The following DPP4 variants were observed in gnomAD, a reference collection of about 807,000 sequenced individuals.
The protein encoded by DPP4 is dipeptidyl peptidase 4, also known as ADCP-2.
DPP4 carries 93 observed loss-of-function variants against 122.4 expected under a neutral mutation model. The observed-to-expected ratio is 0.76, with a 90% CI of 0.64 to 0.90. The LOEUF is 0.90. Among genes scored for constraint, DPP4 ranks in the 40% least tolerant of loss-of-function variants. DPP4 has a pLI of 0.00. For synonymous variants in DPP4, 321 were observed against 302.9 expected, an observed-to-expected ratio of 1.06 and a Z score of -0.62; for missense variants, 914 against 907.3, an observed-to-expected ratio of 1.01 and a Z score of -0.09.
At chr2:162,016,728 G>C (rs1224753551) in intron 18 of DPP4, 40 bp downstream of exon 18, 2 of 1,431,406 alleles carry the variant, frequency 1.4e-6, no homozygotes. Flanking sequence ...GTGCATTGGT[G>C]TTTCCATGAA....
intron 23 of DPP4, among the ~76,000 whole-genome samples, chr2:161,998,511 G>C (rs543154131): frequency 2.0e-5 from 3 of 152,240 alleles, no homozygotes; most frequent in African/African-American, 7.2e-5. Context: ...AGCCTCATGG[G>C]CCTGCCTTGC....
At chr2:162,037,642 G>A (rs1187659743) in intron 8 of DPP4, among the ~76,000 whole-genome samples, 3 of 151,994 alleles carry the variant, frequency 2.0e-5, no homozygotes, top group Non-Finnish European at 4.4e-5. Context: ...TTTTATCTTG[G>A]CAAATACAGA....
At position 162,032,709 on chromosome 2, in the gene DPP4, C is replaced by CA. The variant is rs113610682; in HGVS notation, c.887+831dup. Among the ~76,000 whole-genome samples, 564 of 68,096 alleles carry CA rather than the reference C, an allele frequency of 8.3e-3. 2 individuals carry two copies. The highest frequency in any genetic ancestry group is 0.022 in the African/African-American group (450 of 20,280). The allele number at this position is 68,096 out of a possible 152,430, so 44.7% of individuals were successfully genotyped here. A position where few individuals can be genotyped will look rare whatever the true frequency, so the allele number is the denominator to read the frequency against. ...AACAAACAAACAACAACAACAACAACAAAAAAAAAAACAGCAACAAAACCA... is the reference window on the plus strand; with the variant it reads ...AACAAACAAACAACAACAACAACAACAAAAAAAAAAAACAGCAACAAAACCA... On this transcript the variant is annotated intron_variant, in intron 10 of 25. Transcript: ENST00000360534.
In DPP4 at chr2:162,010,421, T is replaced by G. The variant is rs150866091; in HGVS notation, c.1833-1126A>C. Among the ~76,000 whole-genome samples the G allele has an allele frequency of 2.9e-3, 440 of 152,364 alleles. 3 individuals are homozygous for G. Among genetic ancestry groups the G allele is most frequent in the African/African-American group, 0.01 (419 of 41,592 alleles). On this transcript the variant is annotated intron_variant, in intron 20 of 25. Coordinates refer to ENST00000360534, the MANE Select transcript of DPP4 (RefSeq NM_001935.4). Reference sequence around the variant, plus strand: ...AAATTGCATCTTGCAGGATGTACACTTTTGTGTCCAGCTTCTTTCATTCAA... The same window carrying G: ...AAATTGCATCTTGCAGGATGTACACGTTTGTGTCCAGCTTCTTTCATTCAA...
intron 20 of DPP4, among the ~76,000 whole-genome samples, chr2:162,011,566 A>G (rs952994493): frequency 4.6e-5 from 7 of 152,130 alleles, no homozygotes; most frequent in Non-Finnish European, 7.4e-5. Flanking sequence ...AGAGTCTCAT[A>G]CAGAGAGGAA....
chr2:162,020,309 T>A lies in DPP4; in HGVS notation c.1177-13A>T, dbSNP rs778228782. The A allele has an allele frequency of 4.5e-6, 7 of 1,541,544 alleles. No individual in the cohort carries two copies. Among genetic ancestry groups the A allele is most frequent in the Admixed American group, 2.1e-5 (1 of 47,358 alleles). On this transcript the variant is annotated splice_polypyrimidine_tract_variant and intron_variant, in intron 13 of 25. Coordinates refer to ENST00000360534, the MANE Select transcript of DPP4 (RefSeq NM_001935.4). ...TAAATGTGCAGTCCTGATGGTTTTT[T>A]TTTTTTTTCAAAAAAAAAAAAAAGA...
At chr2:161,995,714 T>C (rs1012879642) in intron 23 of DPP4, among the ~76,000 whole-genome samples, 1 of 152,228 alleles carries the variant, frequency 6.6e-6, no homozygotes, top group Non-Finnish European at 1.5e-5. Flanking sequence ...TAGTAATGTA[T>C]GTTCCATGGG....
intron 12 of DPP4, among the ~76,000 whole-genome samples, chr2:162,021,944 G>A (rs921788623): frequency 6.6e-6 from 1 of 152,234 alleles, no homozygotes; most frequent in East Asian, 1.9e-4. Context: ...CAGCTAGAAG[G>A]GGTTGTCTTC....
chr2:161,993,435 A>T, intron 25 of DPP4, 51 bp from the exon 26 acceptor site: 1 of 563,896 alleles, frequency 1.8e-6, no homozygotes. Context: ...TACTCTTCTT[A>T]AAAAAAAAAA....
At chr2:162,047,274 A>T (rs1480263890) in intron 3 of DPP4, 129 bp downstream of exon 3, 3 of 466,256 alleles carry the variant, frequency 6.4e-6, no homozygotes, top group Non-Finnish European at 1.0e-5. Flanking sequence ...GTAGAAAAAG[A>T]AAAAAAAAAC....
Position 162,005,829 on chromosome 2 carries a change from A to T in DPP4, c.1988-20T>A, listed in dbSNP as rs200478813. 39 of 1,587,864 alleles carry T rather than the reference A, an allele frequency of 2.5e-5. 1 individual carries two copies. The Middle Eastern group carries it at 6.7e-4, about 27-fold the overall frequency. On this transcript the variant is annotated intron_variant, in intron 22 of 25. Transcript: ENST00000360534. ...CTGAGTCTGTGAAAGAAAAAAAAATAAAAAAAAGTTTAATTCATACAATAA... is the reference window on the plus strand; with the variant it reads ...CTGAGTCTGTGAAAGAAAAAAAAATTAAAAAAAGTTTAATTCATACAATAA...
At chr2:162,029,441 C>T (rs1440660555) in intron 10 of DPP4, among the ~76,000 whole-genome samples, 2 of 152,192 alleles carry the variant, frequency 1.3e-5, no homozygotes, top group Non-Finnish European at 2.9e-5. Context: ...TGCCAACCCT[C>T]CCAGGTTCGC....
chr2:162,023,445 A>T (rs902815777), intron 11 of DPP4, among the ~76,000 whole-genome samples: 1 of 151,816 alleles, frequency 6.6e-6, no homozygotes. Flanking sequence ...GCCTTTGCCT[A>T]TATCTCTAGC....
intron 2 of DPP4, among the ~76,000 whole-genome samples, chr2:162,068,689 T>A (rs1000013870): frequency 6.6e-6 from 1 of 152,176 alleles, no homozygotes; most frequent in Non-Finnish European, 1.5e-5. Context: ...ATCCTAAGTA[T>A]AATTTAGTGC....
Position 162,038,411 on chromosome 2 carries a change from C to T in DPP4, c.504G>A (p.Trp168Ter). Residue 168 changes from tryptophan to a stop codon, truncating the protein, a stop_gained, in exon 8 of 26, where the codon TGG becomes TGA. Coordinates refer to ENST00000360534, the MANE Select transcript of DPP4 (RefSeq NM_001935.4). LOFTEE classifies it high-confidence loss of function. ...CAATTTTAACATAAATGTCATTGTT[C>T]CAAACATATGCCTAGAAGGAAAAAA... ...SPVGHKLAYV[W>*]NNDIYVKIEP... The T allele has an allele frequency of 2.5e-6, 4 of 1,602,168 alleles. No individual in the cohort carries two copies. Among genetic ancestry groups the T allele is most frequent in the Admixed American group, 1.7e-5 (1 of 57,698 alleles).
At chr2:162,060,859 C>CTCCTTCCT (rs375829539) in intron 2 of DPP4, among the ~76,000 whole-genome samples, 2 of 151,570 alleles carry the variant, frequency 1.3e-5, no homozygotes, top group Non-Finnish European at 2.9e-5. Flanking sequence ...AAACACAAAG[C>CTCCTTCCT]TCCTTCCTTC....
chr2:162,034,234 T>C (rs1683683018), intron 9 of DPP4, among the ~76,000 whole-genome samples: 1 of 152,146 alleles, frequency 6.6e-6, no homozygotes, highest in Non-Finnish European at 1.5e-5. Context: ...TTTTTAAATA[T>C]ACACATAGAT....
At chr2:161,995,267 T>C in intron 24 of DPP4, 33 bp downstream of exon 24, 3 of 1,589,148 alleles carry the variant, frequency 1.9e-6, no homozygotes, top group Non-Finnish European at 2.6e-6. Flanking sequence ...AACCTGTCTG[T>C]GATACTAAAA....
intron 9 of DPP4, 42 bp downstream of exon 9, chr2:162,035,122 C>A: frequency 6.4e-7 from 1 of 1,569,422 alleles, no homozygotes; most frequent in Non-Finnish European, 8.6e-7. Context: ...CCATTCTCTT[C>A]CCATCAAATC....
Sources: allele counts gnomAD v4.1 joint callset (sites outside exome capture counted in the v4.1 genomes callset), GRCh38; gene constraint gnomAD v4.1.1; transcripts MANE v1.5; gene names NCBI Gene and HGNC (gene_info 2026-07-23, HGNC 2026-07-21).